Variants in LIN9 observed in about 807,000 individuals in gnomAD.
LIN9 encodes the protein lin-9 DREAM MuvB core complex component, also known as protein lin-9 homolog.
A neutral mutation model predicts 78.0 loss-of-function variants in LIN9; 18 were observed. That is an observed-to-expected ratio of 0.23 (90% CI 0.16 to 0.34). The LOEUF (loss-of-function observed/expected upper bound fraction) is 0.34, where lower values mean the gene tolerates loss of function less well. LIN9 is among the 10% of genes least tolerant of loss of function. LIN9 has a pLI of 1.00. For missense variants in LIN9, 451 were observed against 644.1 expected (o/e 0.70, Z 3.25); for synonymous variants, 192 against 215.2 (o/e 0.89, Z 0.94).
At position 226,233,117 on chromosome 1, in the gene LIN9, G is replaced by T; in HGVS notation, c.1502C>A (p.Thr501Lys). ...LTDSLNDIKS[T>K]IDASNISCFQ... ...TTACCTGATATTAGAAGCGTCTATT[G>T]TACTCTTGATATCATTTAATGAGTC... Residue 501 changes from threonine to lysine, a missense_variant, in exon 14 of 15, where the codon ACA (threonine) becomes AAA (lysine). Physicochemically the swap from Thr to Lys is moderately conservative, Grantham distance 78. Coordinates refer to ENST00000681046, the MANE Select transcript of LIN9 (RefSeq NM_001366245.2). 1.3e-6 allele frequency: 2 copies of T among 1,597,104 alleles called. No homozygotes were observed. Among genetic ancestry groups the T allele is most frequent in the Non-Finnish European group, 1.7e-6 (2 of 1,170,824 alleles).
chr1:226,262,545 T>C (rs1393601096), intron 10 of LIN9, among the ~76,000 whole-genome samples: 1 of 152,050 alleles, frequency 6.6e-6, no homozygotes, highest in Non-Finnish European at 1.5e-5. Flanking sequence ...AATGAGGAAA[T>C]GTATATGTCA....
rs1288905532 is a variant in LIN9 at position 226,233,085 on chromosome 1, T to C, written c.1523+11A>G. Reference sequence around the variant, plus strand: ...CACATTAAAATGATTAGAGTATACCTAACGAATTACCTGATATTAGAAGCG... The same window carrying C: ...CACATTAAAATGATTAGAGTATACCCAACGAATTACCTGATATTAGAAGCG... On this transcript the variant is annotated intron_variant, in intron 14 of 14. Coordinates refer to ENST00000681046, the MANE Select transcript of LIN9 (RefSeq NM_001366245.2). 1.3e-6 allele frequency: 2 copies of C among 1,492,094 alleles called. No individual in the cohort carries two copies. Among genetic ancestry groups the C allele is most frequent in the South Asian group, 2.4e-5 (2 of 82,804 alleles). The allele number at this position is 1,492,094 out of a possible 1,614,324, so 92.4% of individuals were successfully genotyped here.
At chr1:226,278,301 C>T (rs531186795) in intron 6 of LIN9, among the ~76,000 whole-genome samples, 17 of 151,476 alleles carry the variant, frequency 1.1e-4, no homozygotes, top group Non-Finnish European at 1.6e-4. Context: ...TGGTGGCAGG[C>T]GCCTGTAATC....
chr1:226,298,846 A>G (rs1014700287), intron 2 of LIN9, among the ~76,000 whole-genome samples: 2 of 152,138 alleles, frequency 1.3e-5, no homozygotes, highest in South Asian at 2.1e-4. Context: ...AAGCCGAGAT[A>G]GCACCACTGC....
At chr1:226,232,657 A>G (rs1365195386) in intron 14 of LIN9, 51 bp from the exon 15 acceptor site, 1 of 1,171,272 alleles carries the variant, frequency 8.5e-7, no homozygotes. Flanking sequence ...AAATTAAGAA[A>G]AAAATTTTTA....
chr1:226,273,834 CT>C (rs572172734), intron 7 of LIN9, among the ~76,000 whole-genome samples: 147 of 137,100 alleles, frequency 1.1e-3, no homozygotes, highest in East Asian at 2.8e-3. Flanking sequence ...CTCAACATTA[CT>C]TTTTTTTTTT....
intron 6 of LIN9, 147 bp downstream of exon 6, chr1:226,286,186 C>A: frequency 1.5e-6 from 1 of 656,184 alleles, no homozygotes; most frequent in East Asian, 2.8e-5. Context: ...TGACTATTCA[C>A]AGGTGTAATC....
At chr1:226,246,160 T>TC (rs1202310855) in intron 11 of LIN9, among the ~76,000 whole-genome samples, 42 of 152,338 alleles carry the variant, frequency 2.8e-4, no homozygotes, top group African/African-American at 8.9e-4. Context: ...TTTACAAACT[T>TC]CAAGTTTTTT....
chr1:226,297,105 G>T (rs1274544761), intron 3 of LIN9, among the ~76,000 whole-genome samples: 2 of 152,156 alleles, frequency 1.3e-5, no homozygotes, highest in African/African-American at 4.8e-5. Flanking sequence ...GCAGAGAAGA[G>T]GAAGGGAATG....
At chr1:226,258,194 A>ACAAT (rs1659327107) in intron 10 of LIN9, among the ~76,000 whole-genome samples, 1 of 151,280 alleles carries the variant, frequency 6.6e-6, no homozygotes, top group South Asian at 2.1e-4. Flanking sequence ...AAACAAACAA[A>ACAAT]CAAACAAACA....
At chr1:226,243,722 CCCT>C (rs1307038312) in intron 11 of LIN9, among the ~76,000 whole-genome samples, 2 of 149,132 alleles carry the variant, frequency 1.3e-5, no homozygotes, top group African/African-American at 4.9e-5. Context: ...AAAAAAGGTC[CCCT>C]CCTCAAAAAA....
intron 6 of LIN9, among the ~76,000 whole-genome samples, chr1:226,278,949 G>A (rs1232678647): frequency 7.0e-6 from 1 of 143,716 alleles, no homozygotes; most frequent in Non-Finnish European, 1.5e-5. Context: ...GTGAAACCCC[G>A]TCTCTACTAA....
intron 2 of LIN9, among the ~76,000 whole-genome samples, chr1:226,299,976 A>C (rs1430775426): frequency 6.6e-6 from 1 of 150,424 alleles, no homozygotes; most frequent in Non-Finnish European, 1.5e-5. Context: ...TGTCACCCAG[A>C]CTCCCAGACT....
intron 6 of LIN9, among the ~76,000 whole-genome samples, chr1:226,284,917 A>G (rs990475896): frequency 1.3e-5 from 2 of 152,020 alleles, no homozygotes; most frequent in African/African-American, 4.8e-5. Flanking sequence ...TTATCTTCCA[A>G]GTGGATGGAG....
intron 2 of LIN9, among the ~76,000 whole-genome samples, chr1:226,298,391 A>G (rs1409661312): frequency 6.6e-6 from 1 of 152,158 alleles, no homozygotes; most frequent in Admixed American, 6.5e-5. Flanking sequence ...TATTTTTAGT[A>G]GAGACAGGGT....
chr1:226,306,985 G>A (rs1662959919), intron 1 of LIN9, among the ~76,000 whole-genome samples: 1 of 152,154 alleles, frequency 6.6e-6, no homozygotes, highest in South Asian at 2.1e-4. Context: ...ACACACCAAT[G>A]CACCAGAGAT....
intron 11 of LIN9, among the ~76,000 whole-genome samples, chr1:226,243,643 C>A (rs1343746102): frequency 1.4e-5 from 2 of 143,714 alleles, no homozygotes; most frequent in African/African-American, 5.3e-5. Flanking sequence ...TTGCAGTAAG[C>A]CAAGATTACA....
At chr1:226,251,157 G>A (rs1267265691) in intron 10 of LIN9, among the ~76,000 whole-genome samples, 1 of 151,616 alleles carries the variant, frequency 6.6e-6, no homozygotes, top group East Asian at 1.9e-4. Flanking sequence ...CCCAGTTCAA[G>A]CAATTCTCAA....
At chr1:226,279,828 T>C (rs1421714571) in intron 6 of LIN9, among the ~76,000 whole-genome samples, 1 of 149,872 alleles carries the variant, frequency 6.7e-6, no homozygotes, top group Non-Finnish European at 1.5e-5. Flanking sequence ...CACAGTAAAT[T>C]ACCTTTCATT....
Sources: gnomAD v4.1 joint callset for allele counts (sites outside exome capture counted in the v4.1 genomes callset) on GRCh38, gnomAD v4.1.1 for gene constraint, MANE v1.5 for transcripts, NCBI Gene and HGNC (gene_info 2026-07-23, HGNC 2026-07-21) for gene names.